Variants in AGBL3 observed in about 807,000 individuals in gnomAD.
AGBL3 encodes AGBL carboxypeptidase 3, also known as cytosolic carboxypeptidase 3.
AGBL3 carries 68 observed loss-of-function variants against 94.5 expected under a neutral mutation model. The observed-to-expected ratio is 0.72, with a 90% confidence interval of 0.59 to 0.88. The LOEUF is 0.88. Ranked by LOEUF, AGBL3 falls within the 40% of genes least tolerant of loss-of-function variation. The pLI, the probability that AGBL3 is intolerant of heterozygous loss-of-function variation, is 0.00. For synonymous variants in AGBL3, 354 were observed against 370.7 expected (o/e 0.95, Z 0.52); for missense variants, 934 against 1,103.8 (o/e 0.85, Z 2.18).
intron 16 of AGBL3, among the ~76,000 whole-genome samples, chr7:135,123,206 C>G (rs2117261068): frequency 6.6e-6 from 1 of 152,232 alleles, no homozygotes; most frequent in African/African-American, 2.4e-5. Flanking sequence ...ACATAAATGA[C>G]CTGGTGGAGC....
At chr7:135,035,197 C>T (rs1816182005) in intron 7 of AGBL3, among the ~76,000 whole-genome samples, 1 of 152,040 alleles carries the variant, frequency 6.6e-6, no homozygotes. Context: ...AACTAATAAG[C>T]TTGCATATCC....
In AGBL3 at chr7:135,081,734, A is replaced by T. The variant is rs1315432551; in HGVS notation, c.2054A>T (p.Glu685Val). 6 of 1,541,704 alleles carry T rather than the reference A, an allele frequency of 3.9e-6. No homozygotes were observed. The highest frequency in any genetic ancestry group is 5.3e-6 in the Non-Finnish European group (6 of 1,140,064). Residue 685 changes from glutamate to valine, a missense_variant, in exon 15 of 17, where the codon GAA (glutamate) becomes GTA (valine). By Grantham distance (121) the Glu-to-Val change is moderately radical (BLOSUM62 -2). Transcript: ENST00000436302. ...TCTTCTCTAGATACAAGGCCAAATG[A>T]ACCAGATGATTATATGGTTGATTAT... ...NSDVKDTRPNEPDDYMVDYFR... is the reference protein window; with the variant it reads ...NSDVKDTRPNVPDDYMVDYFR...
chr7:135,068,432 G>T (rs1451994120), intron 12 of AGBL3, among the ~76,000 whole-genome samples: 4 of 152,132 alleles, frequency 2.6e-5, no homozygotes, highest in Admixed American at 2.0e-4. Context: ...ACACATAATT[G>T]TCAGATTCAC....
At chr7:135,093,339 G>C (rs1585064635) in intron 15 of AGBL3, 1 of 151,962 alleles carries the variant, frequency 6.6e-6, no homozygotes, top group East Asian at 1.9e-4. Flanking sequence ...TAATAAATGA[G>C]TTCAACAAGG....
At chr7:135,011,323 A>C (rs927063274) in intron 4 of AGBL3, 5 of 152,198 alleles carry the variant, frequency 3.3e-5, no homozygotes, top group African/African-American at 9.6e-5. Flanking sequence ...CTTCTAGAAA[A>C]TAATACAAGA....
chr7:134,991,840 T>G (rs1448517507), intron 3 of AGBL3, among the ~76,000 whole-genome samples: 1 of 152,088 alleles, frequency 6.6e-6, no homozygotes, highest in Non-Finnish European at 1.5e-5. Flanking sequence ...AAGACTCAGT[T>G]TCTATCTGAG....
In AGBL3 at chr7:134,986,621, T is replaced by C. The variant is rs114035212; in HGVS notation, c.-140T>C. The C allele has an allele frequency of 0.014, 2,159 of 152,342 alleles. 47 individuals carry two copies. The highest frequency in any genetic ancestry group is 0.049 in the African/African-American group (2,048 of 41,538). The allele number at this position is 152,342 out of a possible 1,614,324, so 9.4% of individuals were successfully genotyped here. On this transcript the variant is annotated 5_prime_UTR_variant, in exon 1 of 17. Coordinates refer to ENST00000436302, the MANE Select transcript of AGBL3 (RefSeq NM_178563.4). ...CGCGAGATCGCGAGATCCCGAGATA[T>C]TCTCCCCGCACGGAAGCGACGACTG...
intron 15 of AGBL3, 53 bp downstream of exon 15, chr7:135,081,843 GT>G (rs762344813): frequency 1.0e-4 from 120 of 1,159,060 alleles, no homozygotes; most frequent in Non-Finnish European, 1.4e-4. Context: ...TGATCTGAAT[GT>G]TATTTTTCTC....
chr7:135,047,904 G>T (rs964376372), intron 11 of AGBL3, among the ~76,000 whole-genome samples: 2 of 151,748 alleles, frequency 1.3e-5, no homozygotes, highest in Non-Finnish European at 2.9e-5. Flanking sequence ...TGGGTTTGTT[G>T]CCTATGCTTT....
At chr7:135,011,482 G>A (rs900995489) in intron 4 of AGBL3, 1 of 151,484 alleles carries the variant, frequency 6.6e-6, no homozygotes, top group African/African-American at 2.4e-5. Flanking sequence ...AATAGTTTGG[G>A]AGAATATATT....
At chr7:135,129,099 C>A in intron 16 of AGBL3, 2 of 1,584,864 alleles carry the variant, frequency 1.3e-6, no homozygotes, top group South Asian at 2.2e-5. Context: ...CACTACTGGT[C>A]AGGTCAAAGA....
intron 16 of AGBL3, among the ~76,000 whole-genome samples, chr7:135,122,300 C>T (rs897019176): frequency 3.9e-5 from 6 of 152,148 alleles, no homozygotes; most frequent in South Asian, 2.1e-4. Context: ...CAGGCCTGAC[C>T]CTGACCCATC....
intron 4 of AGBL3, among the ~76,000 whole-genome samples, chr7:135,005,330 A>G (rs986265451): frequency 2.6e-5 from 4 of 151,770 alleles, no homozygotes; most frequent in African/African-American, 7.2e-5. Flanking sequence ...TGTGTAATCT[A>G]AACGCATACC....
intron 4 of AGBL3, 105 bp from the exon 5 acceptor site, chr7:135,016,947 A>G (rs1813873483): frequency 1.3e-6 from 1 of 749,384 alleles, no homozygotes; most frequent in African/African-American, 1.8e-5. Flanking sequence ...ACAAAACACT[A>G]CATTTTAGCC....
intron 16 of AGBL3, among the ~76,000 whole-genome samples, chr7:135,125,910 T>C (rs138165096): frequency 0.012 from 1,763 of 152,326 alleles, 30 homozygotes; most frequent in African/African-American, 0.04. Flanking sequence ...TAATGAGAGC[T>C]ATTTATGACA....
chr7:135,075,788 A>G (rs1001960962), intron 12 of AGBL3, among the ~76,000 whole-genome samples: 7 of 152,186 alleles, frequency 4.6e-5, no homozygotes, highest in Non-Finnish European at 7.3e-5. Flanking sequence ...CAAGTGCGTT[A>G]TCTCATTGTG....
intron 15 of AGBL3, among the ~76,000 whole-genome samples, chr7:135,086,847 T>C (rs1203412223): frequency 1.3e-5 from 2 of 152,000 alleles, no homozygotes; most frequent in Non-Finnish European, 2.9e-5. Context: ...GATACCAGGG[T>C]AATATTGGTC....
chr7:135,118,918 GGAAA>G (rs1826716442), intron 16 of AGBL3, among the ~76,000 whole-genome samples: 1 of 151,996 alleles, frequency 6.6e-6, no homozygotes, highest in Non-Finnish European at 1.5e-5. Context: ...TACAAATAGA[GGAAA>G]GAGTCAGTGA....
At chr7:135,065,485 A>G (rs1414335108) in intron 12 of AGBL3, among the ~76,000 whole-genome samples, 1 of 152,260 alleles carries the variant, frequency 6.6e-6, no homozygotes, top group Non-Finnish European at 1.5e-5. Context: ...ACAGACACAC[A>G]GCACAATGGA....
Sources: gnomAD v4.1 joint callset for allele counts (sites outside exome capture counted in the v4.1 genomes callset) on GRCh38, gnomAD v4.1.1 for gene constraint, MANE v1.5 for transcripts, NCBI Gene and HGNC (gene_info 2026-07-23, HGNC 2026-07-21) for gene names.